Variants in INPP5A observed in about 807,000 individuals in gnomAD.
INPP5A encodes the protein 43 kDa inositol polyphosphate 5-phophatase.
INPP5A carries 14 observed loss-of-function variants against 65.2 expected under a neutral mutation model. The observed-to-expected ratio is 0.21, with a 90% confidence interval of 0.14 to 0.34. INPP5A has a LOEUF of 0.34. Ranked by LOEUF, INPP5A falls within the 10% of genes least tolerant of loss-of-function variation. The pLI, the probability that INPP5A is intolerant of heterozygous loss-of-function variation, is 1.00. For synonymous variants in INPP5A, 207 were observed against 208.3 expected (o/e 0.99, Z 0.05); for missense variants, 431 against 545.6 (o/e 0.79, Z 2.09).
At chr10:132,756,105 C>T (rs1198988672) in intron 11 of INPP5A, among the ~76,000 whole-genome samples, 1 of 152,180 alleles carries the variant, frequency 6.6e-6, no homozygotes, top group Non-Finnish European at 1.5e-5. Flanking sequence ...GCAACACACT[C>T]AGAATCCGCC....
chr10:132,654,980 A>T (rs1362639345), intron 4 of INPP5A, among the ~76,000 whole-genome samples: 1 of 152,226 alleles, frequency 6.6e-6, no homozygotes, highest in East Asian at 1.9e-4. Context: ...TGAGGATATT[A>T]GGCTGGGCGC....
intron 4 of INPP5A, among the ~76,000 whole-genome samples, chr10:132,683,615 A>G (rs2073081374): frequency 1.3e-5 from 2 of 152,380 alleles, no homozygotes; most frequent in South Asian, 2.1e-4. Context: ...TTGCTCAGTA[A>G]CACCATGCAG....
At chr10:132,605,428 G>A (rs1282199523) in intron 1 of INPP5A, among the ~76,000 whole-genome samples, 1 of 144,000 alleles carries the variant, frequency 6.9e-6, no homozygotes, top group African/African-American at 2.6e-5. Flanking sequence ...GGATGGGAAA[G>A]GGGCTGGGGA....
In INPP5A at chr10:132,651,499, G is replaced by A. The variant is rs1181038692; in HGVS notation, c.306+994G>A. On this transcript the variant is annotated intron_variant, in intron 4 of 15. Coordinates refer to ENST00000368594, the MANE Select transcript of INPP5A (RefSeq NM_005539.5). This position sits in a 1 kb window ranked among gnomAD's most constrained non-coding sequence, Gnocchi z 5.0. ...TCCCCCATCTCTGGGGAGGCCCTGGGTCCCCCGGCCTGGTTCCATCTCCCC... is the reference window on the plus strand; with the variant it reads ...TCCCCCATCTCTGGGGAGGCCCTGGATCCCCCGGCCTGGTTCCATCTCCCC... Among the ~76,000 whole-genome samples, 1 of 151,688 alleles carries A rather than the reference G, an allele frequency of 6.6e-6. No homozygotes were observed.
chr10:132,574,940 G>A (rs777400011), intron 1 of INPP5A, among the ~76,000 whole-genome samples: 26 of 152,146 alleles, frequency 1.7e-4, no homozygotes, highest in Non-Finnish European at 3.7e-4. Flanking sequence ...CAGCTGGTAG[G>A]CACGGACTTC....
chr10:132,771,592 TC>T (rs1471534129), intron 12 of INPP5A, among the ~76,000 whole-genome samples: 58 of 151,156 alleles, frequency 3.8e-4, no homozygotes, highest in Middle Eastern at 3.5e-3. Flanking sequence ...CTTGGAAGTA[TC>T]CCCAGTGCCC....
chr10:132,601,280 C>T (rs942830255), intron 1 of INPP5A, among the ~76,000 whole-genome samples: 6 of 152,192 alleles, frequency 3.9e-5, no homozygotes, highest in African/African-American at 1.2e-4. Flanking sequence ...TTCATGTGCA[C>T]GTTGACCATT....
chr10:132,600,333 C>T (rs564560040), intron 1 of INPP5A, among the ~76,000 whole-genome samples: 13 of 152,268 alleles, frequency 8.5e-5, no homozygotes, highest in Middle Eastern at 3.4e-3. Context: ...CTCTAGGGCA[C>T]GGGCAAAATG....
In INPP5A at chr10:132,705,680, A is replaced by G. The variant is rs1200696852; in HGVS notation, c.475-2633A>G. ...AAAGTCTGCTTACCTGGGGCCCGGG[A>G]CTTTACAGGTGAGGGAAGAAGGACC... On this transcript the variant is annotated intron_variant, in intron 6 of 15. Transcript: ENST00000368594. The surrounding 1 kb of genome is among the most constrained non-coding windows in gnomAD (Gnocchi z 4.9). Among the ~76,000 whole-genome samples, 1 of 152,212 alleles carries G rather than the reference A, an allele frequency of 6.6e-6. No homozygotes were observed. Among genetic ancestry groups the G allele is most frequent in the Non-Finnish European group, 1.5e-5 (1 of 68,030 alleles).
chr10:132,780,452 C>T (rs1195500390), intron 13 of INPP5A, among the ~76,000 whole-genome samples: 2 of 152,258 alleles, frequency 1.3e-5, no homozygotes, highest in Non-Finnish European at 2.9e-5. Context: ...GAGGAGCACA[C>T]CTGCACAGAA....
At chr10:132,624,545 G>A (rs1183755984) in intron 2 of INPP5A, among the ~76,000 whole-genome samples, 1 of 152,126 alleles carries the variant, frequency 6.6e-6, no homozygotes, top group African/African-American at 2.4e-5. Flanking sequence ...TCCCACTGGC[G>A]TGTCTGCACT....
Position 132,571,841 on chromosome 10 carries a change from G to A in INPP5A, c.75+33670G>A, listed in dbSNP as rs141359162. 2.6e-3 allele frequency among the ~76,000 whole-genome samples: 397 copies of A among 152,358 alleles called. 7 individuals carry two copies. Among genetic ancestry groups the A allele is most frequent in the Admixed American group, 0.018 (270 of 15,308 alleles). ...GCAGCCAGTGTGAGGCCCTGCGGTA[G>A]CAGGTGGAGGGGGCAGGGTGTGAAC... On this transcript the variant is annotated intron_variant, in intron 1 of 15. Coordinates refer to ENST00000368594, the MANE Select transcript of INPP5A (RefSeq NM_005539.5).
chr10:132,703,173 C>T (rs928467470), intron 6 of INPP5A, among the ~76,000 whole-genome samples: 6 of 152,126 alleles, frequency 3.9e-5, no homozygotes, highest in Non-Finnish European at 5.9e-5. Context: ...ACACCTGTCC[C>T]GGTCGCTTGG....
In INPP5A at chr10:132,705,803, A is replaced by G. The variant is rs1379225629; in HGVS notation, c.475-2510A>G. Among the ~76,000 whole-genome samples the G allele has an allele frequency of 6.6e-5, 10 of 152,178 alleles. No individual in the cohort carries two copies. Among genetic ancestry groups the G allele is most frequent in the Non-Finnish European group, 1.3e-4 (9 of 68,036 alleles). ...GGGGAGCAGAGAGCCCAGACCTTTT[A>G]CAATGCTGGGTGGGGTGGCCATGGA... is the stretch of plus-strand genomic sequence containing the variant. On this transcript the variant is annotated intron_variant, in intron 6 of 15. Coordinates refer to ENST00000368594, the MANE Select transcript of INPP5A (RefSeq NM_005539.5). The surrounding 1 kb of genome is among the most constrained non-coding windows in gnomAD (Gnocchi z 4.9).
chr10:132,658,416 C>T (rs1016203211), intron 4 of INPP5A, among the ~76,000 whole-genome samples: 2 of 152,162 alleles, frequency 1.3e-5, no homozygotes, highest in African/African-American at 4.8e-5. Context: ...TTAGGACCTT[C>T]CATCATAATT....
At chr10:132,635,831 G>A (rs953193417) in intron 2 of INPP5A, among the ~76,000 whole-genome samples, 7 of 152,064 alleles carry the variant, frequency 4.6e-5, no homozygotes, top group African/African-American at 1.4e-4. Context: ...AAATTAGCTG[G>A]GTTTGGTGGT....
In INPP5A at chr10:132,706,877, G is replaced by A. The variant is rs534338821; in HGVS notation, c.475-1436G>A. Among the ~76,000 whole-genome samples, 14 of 152,284 alleles carry A rather than the reference G, an allele frequency of 9.2e-5. No individual in the cohort carries two copies. The highest frequency in any genetic ancestry group is 1.2e-4 in the African/African-American group (5 of 41,566). On this transcript the variant is annotated intron_variant, in intron 6 of 15. Coordinates refer to ENST00000368594, the MANE Select transcript of INPP5A (RefSeq NM_005539.5). The surrounding 1 kb of genome is among the most constrained non-coding windows in gnomAD (Gnocchi z 4.7). ...AGGAGCCACTGTGCTGCCAGGTGCC[G>A]CCAACAGGCCAGGCGAGATGAAGGG... is the stretch of plus-strand genomic sequence containing the variant.
At chr10:132,711,449 T>C (rs1469298077) in intron 8 of INPP5A, among the ~76,000 whole-genome samples, 4 of 151,262 alleles carry the variant, frequency 2.6e-5, no homozygotes, top group Non-Finnish European at 5.9e-5. Flanking sequence ...GACAAGACAG[T>C]GCTCCGTCAG....
chr10:132,617,814 A>G (rs763139185), intron 2 of INPP5A, among the ~76,000 whole-genome samples: 5 of 152,232 alleles, frequency 3.3e-5, no homozygotes, highest in Non-Finnish European at 7.3e-5. Context: ...ACACCCCATC[A>G]TATGTGTTTG....
Sources: gnomAD v4.1 joint callset for allele counts (sites outside exome capture counted in the v4.1 genomes callset) on GRCh38, gnomAD v4.1.1 for gene constraint, Gnocchi (gnomAD v3.1) non-coding constraint, MANE v1.5 for transcripts, NCBI Gene and HGNC (gene_info 2026-07-23, HGNC 2026-07-21) for gene names.